SCAF4: variants seen among roughly 807,000 people sequenced by gnomAD.
SCAF4 encodes the protein SR-related and CTD-associated factor 4.
In SCAF4, 25 loss-of-function variants were observed where a neutral mutation model predicts 129.8. The observed-to-expected ratio is 0.19, with a 90% CI of 0.14 to 0.27. The LOEUF (loss-of-function observed/expected upper bound fraction) is 0.27. Among genes scored for constraint, SCAF4 ranks in the 10% least tolerant of loss-of-function variants. SCAF4 has a pLI of 1.00. For synonymous variants in SCAF4, 551 were observed against 497.7 expected, an observed-to-expected ratio of 1.11 and a Z score of -1.43; for missense variants, 1,246 against 1,457.1, an observed-to-expected ratio of 0.86 and a Z score of 2.36.
In SCAF4 at chr21:31,672,034, T is replaced by C. The variant is rs1418353710; in HGVS notation, c.2809A>G (p.Arg937Gly). 3.7e-6 allele frequency: 6 copies of C among 1,613,462 alleles called. No homozygotes were observed. The highest frequency in any genetic ancestry group is 1.1e-5 in the South Asian group (1 of 91,076). Residue 937 changes from arginine (R) to glycine (G), a missense_variant, in exon 20 of 20, where the codon AGA becomes GGA. Coordinates refer to ENST00000286835, the MANE Select transcript of SCAF4 (RefSeq NM_020706.2). The part of the protein sequence containing the change: ...PGPGPGGPED[R>G]DGRQQPPQQP... ...TGCGGCGGCTGTTGCCTTCCGTCTC[T>C]GTCTTCAGGACCCCCTGGGCCTGGC... is the stretch of plus-strand genomic sequence containing the variant.
At chr21:31,699,097 AATT>A (rs2050456702) in intron 7 of SCAF4, among the ~76,000 whole-genome samples, 2 of 152,198 alleles carry the variant, frequency 1.3e-5, no homozygotes, top group South Asian at 4.1e-4. Context: ...CTGTCACAAG[AATT>A]ATTATGATGC....
chr21:31,696,857 T>C (rs950651240), intron 7 of SCAF4, 107 bp from the exon 8 acceptor site: 21 of 938,606 alleles, frequency 2.2e-5, no homozygotes, highest in Non-Finnish European at 3.4e-5. Flanking sequence ...ACCCACATTG[T>C]CAAGCACAAT....
chr21:31,679,952 C>T (rs567210758), intron 19 of SCAF4, among the ~76,000 whole-genome samples: 2 of 152,168 alleles, frequency 1.3e-5, no homozygotes, highest in African/African-American at 4.8e-5. Context: ...AGTCAATAAA[C>T]TTGAAATCTA....
rs1367380733 is a variant in SCAF4 at position 31,671,364 on chromosome 21, A to G, written c.*35T>C. The G allele has an allele frequency of 6.3e-7, 1 of 1,596,318 alleles. No individual in the cohort carries two copies. The highest frequency in any genetic ancestry group is 8.5e-7 in the Non-Finnish European group (1 of 1,171,276). On this transcript the variant is annotated 3_prime_UTR_variant, in exon 20 of 20. Coordinates refer to ENST00000286835, the MANE Select transcript of SCAF4 (RefSeq NM_020706.2). ...TACACCTCAAGCTCTACACTCCAGG[A>G]AGTGTCACTGTCACATTTTCACAAA...
Position 31,696,663 on chromosome 21 carries a change from CTGT to C in SCAF4, c.862_864del (p.Thr288del). On this transcript the variant is annotated inframe_deletion, in exon 8 of 20. Coordinates refer to ENST00000286835, the MANE Select transcript of SCAF4 (RefSeq NM_020706.2). ...GCAGGGGGTACTGCGGCAGCAGGTG[CTGT>C]CGTGGTGACGGCAGTGGTATCCTCT... 2 of 1,614,082 alleles carry C rather than the reference CTGT, an allele frequency of 1.2e-6. No individual in the cohort carries two copies. The highest frequency in any genetic ancestry group is 1.7e-6 in the Non-Finnish European group (2 of 1,179,946).
chr21:31,685,600 C>T lies in SCAF4; in HGVS notation c.2177G>A (p.Arg726His), dbSNP rs2050101181. 3 of 1,613,898 alleles carry T rather than the reference C, an allele frequency of 1.9e-6. No individual in the cohort carries two copies. Among genetic ancestry groups the T allele is most frequent in the Non-Finnish European group, 1.7e-6 (2 of 1,179,968 alleles). ...PPPPPPPPFL[R>H]PGFNPMHLPP... ...TAAATGCATTGGGTTGAATCCTGGGCGCAAAAATGGTGGAGGAGGAGGGGG... is the reference window on the plus strand; with the variant it reads ...TAAATGCATTGGGTTGAATCCTGGGTGCAAAAATGGTGGAGGAGGAGGGGG... The change falls in exon 17 of 20, where the codon CGC becomes CAC. Residue 726 changes from arginine (R) to histidine (H), a missense_variant. Coordinates refer to ENST00000286835, the MANE Select transcript of SCAF4 (RefSeq NM_020706.2).
In SCAF4 at chr21:31,671,865, G is replaced by A; in HGVS notation, c.2978C>T (p.Ser993Leu). The A allele has an allele frequency of 6.2e-7, 1 of 1,614,144 alleles. No homozygotes were observed. Among genetic ancestry groups the A allele is most frequent in the South Asian group, 1.1e-5 (1 of 91,090 alleles). ...FRNDNRQQFN[S>L]GRDQERFGRR... ...TCCAAACCTTTCTTGGTCTCTACCT[G>A]AATTGAACTGCTGCCTGTTATCATT... The change falls in exon 20 of 20, where the codon TCA becomes TTA. Residue 993 changes from serine to leucine, a missense_variant. Around this residue, in one of 6 missense-constraint regions of SCAF4, gnomAD observed 339 missense variants for 325.0 expected, o/e 1.04. Coordinates refer to ENST00000286835, the MANE Select transcript of SCAF4 (RefSeq NM_020706.2).
chr21:31,703,445 C>A (rs553555150), intron 4 of SCAF4, among the ~76,000 whole-genome samples: 2 of 152,180 alleles, frequency 1.3e-5, no homozygotes, highest in South Asian at 4.1e-4. Context: ...ATTCATCTTG[C>A]TTAACTGAAA....
At chr21:31,731,098 A>G (rs1258882260) in intron 1 of SCAF4, among the ~76,000 whole-genome samples, 1 of 152,186 alleles carries the variant, frequency 6.6e-6, no homozygotes, top group Non-Finnish European at 1.5e-5. Context: ...AAGTGCGTGA[A>G]TCCCGGAGAA....
chr21:31,682,069 G>A (rs1352231713), intron 19 of SCAF4, among the ~76,000 whole-genome samples: 1 of 152,108 alleles, frequency 6.6e-6, no homozygotes, highest in African/African-American at 2.4e-5. Context: ...TTTAATATGT[G>A]TAAATTTATG....
intron 15 of SCAF4, 135 bp downstream of exon 15, chr21:31,690,662 T>C: frequency 4.4e-6 from 3 of 682,916 alleles, no homozygotes; most frequent in South Asian, 4.4e-5. Flanking sequence ...CAGTTTATAA[T>C]GGAGATACTG....
intron 7 of SCAF4, among the ~76,000 whole-genome samples, chr21:31,698,874 C>T (rs573681553): frequency 1.2e-3 from 182 of 152,284 alleles, no homozygotes; most frequent in African/African-American, 4.1e-3. Context: ...CCTACAACTG[C>T]GTGAGCCAGT....
intron 2 of SCAF4, among the ~76,000 whole-genome samples, 185 bp from the exon 3 acceptor site, chr21:31,705,652 A>G (rs1202700958): frequency 6.6e-6 from 1 of 152,100 alleles, no homozygotes; most frequent in East Asian, 1.9e-4. Flanking sequence ...TAAAAACAGA[A>G]AACTACAAAA....
chr21:31,723,017 T>G (rs1021759871), intron 1 of SCAF4, among the ~76,000 whole-genome samples: 15 of 152,192 alleles, frequency 9.9e-5, no homozygotes, highest in African/African-American at 3.6e-4. Flanking sequence ...TTCTAGAATT[T>G]ATTGTGAAGT....
In SCAF4 at chr21:31,671,193, A is replaced by C; in HGVS notation, c.*206T>G. On this transcript the variant is annotated 3_prime_UTR_variant, in exon 20 of 20. Coordinates refer to ENST00000286835, the MANE Select transcript of SCAF4 (RefSeq NM_020706.2). ...AAAACTTTTAAAAAGTTACAGCAAA[A>C]AGGGTAATATTTATTCATATTTTCA... The C allele has an allele frequency of 2.2e-6, 1 of 445,618 alleles. No individual in the cohort carries two copies. The highest frequency in any genetic ancestry group is 3.8e-6 in the Non-Finnish European group (1 of 260,636). The allele number at this position is 445,618 out of a possible 1,614,324, so 27.6% of individuals were successfully genotyped here.
intron 7 of SCAF4, among the ~76,000 whole-genome samples, chr21:31,697,203 T>C (rs111499758): frequency 6.6e-6 from 1 of 151,924 alleles, no homozygotes; most frequent in Non-Finnish European, 1.5e-5. Flanking sequence ...TCCTCAAGAA[T>C]ATACTAATAT....
intron 1 of SCAF4, among the ~76,000 whole-genome samples, chr21:31,719,950 A>C (rs1601271213): frequency 6.6e-6 from 1 of 152,222 alleles, no homozygotes; most frequent in East Asian, 1.9e-4. Flanking sequence ...GTCATTTTCC[A>C]AATGTACTTC....
intron 19 of SCAF4, among the ~76,000 whole-genome samples, chr21:31,682,556 C>T (rs773236534): frequency 1.3e-5 from 2 of 152,260 alleles, no homozygotes; most frequent in African/African-American, 2.4e-5. Flanking sequence ...GCCTGCCCTA[C>T]AGCAGGCCCC....
rs146671860 is a variant in SCAF4 at position 31,703,914 on chromosome 21, A to G, written c.172T>C (p.Tyr58His). The change falls in exon 4 of 20, where the codon TAC becomes CAC. Residue 58 changes from tyrosine to histidine, a missense_variant. Physicochemically the swap from Tyr to His is moderately conservative, Grantham distance 83 (BLOSUM62 2). Transcript: ENST00000286835. ...EKFIKKCKPEYKVPGLYVIDS... is the reference protein window; with the variant it reads ...EKFIKKCKPEHKVPGLYVIDS... Reference sequence around the variant, plus strand: ...ATTACATATAATCCCGGAACCTTGTATTCTGGTTTACACTGCAAGGATAAA... The same window carrying G: ...ATTACATATAATCCCGGAACCTTGTGTTCTGGTTTACACTGCAAGGATAAA... 8.3e-6 allele frequency: 13 copies of G among 1,572,720 alleles called. No individual in the cohort carries two copies. The highest frequency in any genetic ancestry group is 1.0e-5 in the Non-Finnish European group (12 of 1,150,826).
Sources: gnomAD v4.1 joint callset for allele counts (sites outside exome capture counted in the v4.1 genomes callset) on GRCh38, gnomAD v4.1.1 for gene constraint, gnomAD v4.1.1 regional missense constraint, MANE v1.5 for transcripts, NCBI Gene and HGNC (gene_info 2026-07-23, HGNC 2026-07-21) for gene names.